DNAH14: variants seen among roughly 807,000 people sequenced by gnomAD.
The protein encoded by DNAH14 is dynein axonemal heavy chain 14, also known as axonemal beta dynein heavy chain 14.
A neutral mutation model predicts 520.9 loss-of-function variants in DNAH14; 478 were observed. That is an observed-to-expected ratio of 0.92 (90% confidence interval 0.85 to 0.99). DNAH14 has a LOEUF of 0.99. Ranked by LOEUF, DNAH14 falls within the 50% of genes least tolerant of loss-of-function variation. The pLI is 0.00. For synonymous variants in DNAH14, 1,581 were observed against 1,757.2 expected (o/e 0.90, Z 2.51); for missense variants, 4,831 against 5,234.5 (o/e 0.92, Z 2.38).
chr1:225,000,241 C>T (rs1338879194), intron 8 of DNAH14, among the ~76,000 whole-genome samples: 1 of 152,128 alleles, frequency 6.6e-6, no homozygotes, highest in Non-Finnish European at 1.5e-5. Flanking sequence ...TTTCTTCTAA[C>T]CATGGTCATT....
At chr1:225,050,495 A>G (rs1009456581) in intron 16 of DNAH14, 119 bp downstream of exon 16, 1 of 1,073,872 alleles carries the variant, frequency 9.3e-7, no homozygotes, top group Non-Finnish European at 1.3e-6. Flanking sequence ...TTGAAAAATC[A>G]TTTCCAGCTT....
intron 36 of DNAH14, among the ~76,000 whole-genome samples, chr1:225,173,658 G>T (rs2082967147): frequency 6.6e-6 from 1 of 152,218 alleles, no homozygotes; most frequent in Non-Finnish European, 1.5e-5. Context: ...TTACACTGTT[G>T]GTGGGACTGT....
chr1:225,246,039 A>AGG (rs543516296), intron 43 of DNAH14, among the ~76,000 whole-genome samples: 2 of 151,508 alleles, frequency 1.3e-5, no homozygotes, highest in Non-Finnish European at 2.9e-5. Flanking sequence ...TAGACTACTG[A>AGG]AACAGAACAG....
At chr1:225,372,524 G>A (rs893507293) in intron 77 of DNAH14, among the ~76,000 whole-genome samples, 17 of 152,126 alleles carry the variant, frequency 1.1e-4, no homozygotes, top group African/African-American at 4.1e-4. Context: ...CCATCCAGCT[G>A]GAAGAAAAGT....
At chr1:224,940,724 A>G (rs141948030) in intron 1 of DNAH14, among the ~76,000 whole-genome samples, 1,645 of 131,048 alleles carry the variant, frequency 0.013, 15 homozygotes, top group Non-Finnish European at 0.017. Flanking sequence ...TCCTGTGTCC[A>G]TGTGTTCTCA....
chr1:225,303,404 T>C, intron 57 of DNAH14, 57 bp downstream of exon 57: 5 of 1,464,416 alleles, frequency 3.4e-6, no homozygotes, highest in Non-Finnish European at 4.6e-6. Flanking sequence ...GATGGTATTA[T>C]GCCTCTGAAG....
chr1:225,191,497 C>A (rs942154520), intron 37 of DNAH14, among the ~76,000 whole-genome samples: 1 of 151,904 alleles, frequency 6.6e-6, no homozygotes. Flanking sequence ...AAGATTTTGC[C>A]TTTGGACATC....
chr1:225,200,733 C>T (rs2086716424), intron 38 of DNAH14, among the ~76,000 whole-genome samples: 1 of 152,148 alleles, frequency 6.6e-6, no homozygotes, highest in Admixed American at 6.6e-5. Context: ...TGCTGTTAAT[C>T]TGATAGGTTT....
chr1:225,348,941 A>AT (rs2095325859), intron 71 of DNAH14, among the ~76,000 whole-genome samples: 1 of 152,208 alleles, frequency 6.6e-6, no homozygotes. Flanking sequence ...CATCAATAAC[A>AT]TAAGGGGTGG....
At chr1:225,276,772 CA>C (rs1227544326) in intron 53 of DNAH14, among the ~76,000 whole-genome samples, 2 of 150,586 alleles carry the variant, frequency 1.3e-5, no homozygotes, top group Non-Finnish European at 3.0e-5. Flanking sequence ...TTTAATTAAT[CA>C]GGCATTGTGG....
chr1:224,994,705 G>A (rs1023307507), intron 8 of DNAH14, among the ~76,000 whole-genome samples: 10 of 151,926 alleles, frequency 6.6e-5, no homozygotes, highest in Admixed American at 3.3e-4. Context: ...AACAACTGCT[G>A]TTTTGTTCAT....
rs572148542 is a variant in DNAH14, at chr1:225,325,921, C to A, written c.9723+1089C>A. Reference sequence around the variant, plus strand: ...CAAGCATTTCTGCTACCTGTTTGGCCCCATAGGCATTTCTGGCAAACTGAG... The same window carrying A: ...CAAGCATTTCTGCTACCTGTTTGGCACCATAGGCATTTCTGGCAAACTGAG... On this transcript the variant is annotated intron_variant, in intron 64 of 85. Coordinates refer to ENST00000682510, the MANE Select transcript of DNAH14 (RefSeq NM_001367479.1). Among the ~76,000 whole-genome samples, 10 of 152,224 alleles carry A rather than the reference C, an allele frequency of 6.6e-5. No homozygotes were observed. In the South Asian group the frequency reaches 1.9e-3, roughly 28 times the overall value.
At chr1:224,964,688 TA>T (rs1205134404) in intron 5 of DNAH14, 79 bp downstream of exon 5, 26 of 1,254,334 alleles carry the variant, frequency 2.1e-5, no homozygotes, top group Non-Finnish European at 2.7e-5. Context: ...TCATTTCAGA[TA>T]TTATGTCAAA....
rs1553258510 is a variant in DNAH14, at chr1:225,232,280, T to TATATACAC, written c.6518+1130_6518+1131insTATACACA. On this transcript the variant is annotated intron_variant, in intron 42 of 85. Transcript: ENST00000682510. This position sits in a 1 kb window ranked among gnomAD's most constrained non-coding sequence, Gnocchi z 4.2. The stretch of plus-strand genomic sequence containing the variant: ...ATATATAAACTGTGATATATATATA[T>TATATACAC]ACACACACACACACACACACGTGTA... Among the ~76,000 whole-genome samples the TATATACAC allele has an allele frequency of 2.8e-4, 42 of 149,482 alleles. No individual in the cohort carries two copies. The highest frequency in any genetic ancestry group is 9.8e-4 in the African/African-American group (40 of 40,666).
At chr1:225,008,053 T>C (rs1421728764) in intron 10 of DNAH14, among the ~76,000 whole-genome samples, 1 of 151,978 alleles carries the variant, frequency 6.6e-6, no homozygotes, top group Non-Finnish European at 1.5e-5. Context: ...TCGGTATTTC[T>C]CCTAATGCTA....
Position 225,333,294 on chromosome 1 carries a change from C to T in DNAH14, c.9868C>T (p.Arg3290Ter), listed in dbSNP as rs529692260. 51 of 1,549,348 alleles carry T rather than the reference C, an allele frequency of 3.3e-5. No homozygotes were observed. Among genetic ancestry groups the T allele is most frequent in the Admixed American group, 9.8e-5 (5 of 50,902 alleles). Residue 3290 changes from arginine (R) to a stop codon, truncating the protein, a stop_gained, in exon 66 of 86, where the codon CGA (arginine) becomes TGA (stop). Transcript: ENST00000682510. LOFTEE classifies it high-confidence loss of function. The part of the protein sequence containing the change: ...LLTVLEDEKT[R>*]WQETINQIDN... ...TCATTTCTATTTTAACATTTAGACT[C>T]GATGGCAAGAAACAATCAATCAAAT...
At chr1:225,314,598 T>G (rs897739036) in intron 60 of DNAH14, among the ~76,000 whole-genome samples, 1 of 152,218 alleles carries the variant, frequency 6.6e-6, no homozygotes, top group African/African-American at 2.4e-5. Flanking sequence ...CCATATTTAG[T>G]GCTTCCCTCA....
At chr1:225,076,669 T>TTG (rs1159016678) in intron 17 of DNAH14, among the ~76,000 whole-genome samples, 2 of 152,222 alleles carry the variant, frequency 1.3e-5, no homozygotes, top group Admixed American at 1.3e-4. Context: ...TTCTGAGCTG[T>TTG]TTTTCAAAGA....
chr1:225,317,788 T>C (rs1174911925), intron 60 of DNAH14, among the ~76,000 whole-genome samples: 1 of 152,188 alleles, frequency 6.6e-6, no homozygotes, highest in Non-Finnish European at 1.5e-5. Context: ...TCTAGATGCA[T>C]ACATTATAAA....
Sources: allele counts gnomAD v4.1 joint callset (sites outside exome capture counted in the v4.1 genomes callset), GRCh38; gene constraint gnomAD v4.1.1; non-coding constraint Gnocchi (gnomAD v3.1); transcripts MANE v1.5; gene names NCBI Gene and HGNC (gene_info 2026-07-23, HGNC 2026-07-21).